The following LSAMP variants were observed in gnomAD, a reference collection of about 807,000 sequenced individuals.
The protein encoded by LSAMP is limbic system-associated membrane protein.
LSAMP carries 7 observed loss-of-function variants against 38.6 expected under a neutral mutation model. The observed-to-expected ratio is 0.18, with a 90% CI of 0.10 to 0.34. LSAMP has a LOEUF of 0.34. Among genes scored for constraint, LSAMP ranks in the 10% least tolerant of loss-of-function variants. The pLI is 1.00. For synonymous variants in LSAMP, 154 were observed against 166.8 expected (o/e 0.92, Z 0.59); for missense variants, 313 against 420.0 (o/e 0.75, Z 2.23).
chr3:116,081,689 C>T (rs993206499), intron 2 of LSAMP, among the ~76,000 whole-genome samples: 16 of 151,972 alleles, frequency 1.1e-4, no homozygotes, highest in Non-Finnish European at 1.9e-4. Context: ...TTTTATATAA[C>T]ATAATTATGC....
chr3:115,836,078 A>G (rs1934771505), intron 6 of LSAMP, among the ~76,000 whole-genome samples: 1 of 152,150 alleles, frequency 6.6e-6, no homozygotes, highest in Admixed American at 6.5e-5. Context: ...TTTTCTCATC[A>G]TGCTGTTCAC....
intron 1 of LSAMP, among the ~76,000 whole-genome samples, chr3:116,155,952 G>C (rs1709737453): frequency 6.6e-6 from 1 of 152,146 alleles, no homozygotes; most frequent in South Asian, 2.1e-4. Context: ...TACTCAGCAA[G>C]CAGTGAGCCA....
chr3:116,002,604 T>C (rs1940030332), intron 3 of LSAMP, among the ~76,000 whole-genome samples: 1 of 152,110 alleles, frequency 6.6e-6, no homozygotes, highest in Non-Finnish European at 1.5e-5. Flanking sequence ...ATTAAGGTTA[T>C]GAGAGAGATA....
intron 6 of LSAMP, among the ~76,000 whole-genome samples, chr3:115,839,653 A>C (rs567543287): frequency 6.6e-6 from 1 of 152,262 alleles, no homozygotes; most frequent in Admixed American, 6.5e-5. Flanking sequence ...CTTTCCCATA[A>C]AAGTGGGACA....
intron 1 of LSAMP, among the ~76,000 whole-genome samples, chr3:116,327,722 T>C (rs1407755874): frequency 6.6e-6 from 1 of 152,168 alleles, no homozygotes; most frequent in African/African-American, 2.4e-5. Context: ...CCTAATAACA[T>C]CTTATTATGT....
At chr3:116,336,237 C>A (rs1036511654) in intron 1 of LSAMP, among the ~76,000 whole-genome samples, 4 of 151,728 alleles carry the variant, frequency 2.6e-5, no homozygotes, top group Non-Finnish European at 4.4e-5. Flanking sequence ...AAGGCACAGG[C>A]AACAAAAGAA....
intron 1 of LSAMP, among the ~76,000 whole-genome samples, chr3:116,220,350 G>C (rs1287862304): frequency 1.4e-5 from 2 of 138,592 alleles, no homozygotes; most frequent in African/African-American, 5.4e-5. Flanking sequence ...ATTTGCATAT[G>C]ACACACACAC....
chr3:116,058,855 G>T (rs1941539182), intron 2 of LSAMP, among the ~76,000 whole-genome samples: 1 of 152,018 alleles, frequency 6.6e-6, no homozygotes, highest in South Asian at 2.1e-4. Flanking sequence ...ACACATACAG[G>T]TCTTCAGCTT....
intron 3 of LSAMP, among the ~76,000 whole-genome samples, chr3:115,958,730 A>C (rs1360068485): frequency 6.6e-6 from 1 of 152,182 alleles, no homozygotes; most frequent in East Asian, 1.9e-4. Context: ...AGAAGATAAC[A>C]TTCTGTGGCA....
chr3:116,131,224 C>T (rs1424405810), intron 1 of LSAMP, among the ~76,000 whole-genome samples: 2 of 151,982 alleles, frequency 1.3e-5, no homozygotes, highest in Non-Finnish European at 2.9e-5. Flanking sequence ...ATCTCCTGAC[C>T]TCATGATCCG....
intron 1 of LSAMP, among the ~76,000 whole-genome samples, chr3:116,236,414 A>T (rs2046466288): frequency 6.6e-6 from 1 of 152,162 alleles, no homozygotes; most frequent in African/African-American, 2.4e-5. Context: ...TTAAAATAAA[A>T]GAATACCAAA....
intron 2 of LSAMP, among the ~76,000 whole-genome samples, chr3:116,050,317 A>G (rs779132889): frequency 1.2e-4 from 19 of 152,012 alleles, no homozygotes; most frequent in Non-Finnish European, 2.2e-4. Flanking sequence ...CAGCTTCCTG[A>G]TGTTACTAGC....
intron 1 of LSAMP, among the ~76,000 whole-genome samples, chr3:116,128,728 C>T (rs1450058781): frequency 2.2e-5 from 2 of 91,468 alleles, no homozygotes; most frequent in Non-Finnish European, 4.3e-5. Context: ...TCATTGTTCT[C>T]ACTATTTGAT....
chr3:116,240,338 T>A (rs2046516443), intron 1 of LSAMP, among the ~76,000 whole-genome samples: 1 of 152,174 alleles, frequency 6.6e-6, no homozygotes, highest in South Asian at 2.1e-4. Flanking sequence ...TCTGCAGCTT[T>A]GTGGTTACAA....
intron 3 of LSAMP, among the ~76,000 whole-genome samples, chr3:116,006,455 T>A (rs1357166570): frequency 1.3e-5 from 2 of 152,212 alleles, no homozygotes; most frequent in East Asian, 3.8e-4. Context: ...CCACAGCTGA[T>A]GGATACAACG....
At chr3:116,088,563 G>T (rs2107426034) in intron 1 of LSAMP, among the ~76,000 whole-genome samples, 1 of 152,244 alleles carries the variant, frequency 6.6e-6, no homozygotes, top group East Asian at 1.9e-4. Context: ...TTATGAAATT[G>T]TTGAATGTAG....
intron 1 of LSAMP, among the ~76,000 whole-genome samples, chr3:116,234,234 T>C (rs1337954048): frequency 6.6e-6 from 1 of 152,176 alleles, no homozygotes; most frequent in African/African-American, 2.4e-5. Context: ...ATCCCATGGA[T>C]TGGAGAACAC....
chr3:116,290,753 A>AATAATG (rs2047255229), intron 1 of LSAMP, among the ~76,000 whole-genome samples: 1 of 147,842 alleles, frequency 6.8e-6, no homozygotes, highest in Non-Finnish European at 1.5e-5. Context: ...TAATAATAAT[A>AATAATG]ATAATAATAA....
intron 1 of LSAMP, among the ~76,000 whole-genome samples, chr3:116,182,666 T>C (rs370320130): frequency 2.0e-5 from 3 of 151,776 alleles, no homozygotes; most frequent in African/African-American, 7.2e-5. Flanking sequence ...GAAAAGGCAA[T>C]AAAGAATCAC....
Sources: gnomAD v4.1 joint callset for allele counts (sites outside exome capture counted in the v4.1 genomes callset) on GRCh38, gnomAD v4.1.1 for gene constraint, MANE v1.5 for transcripts, NCBI Gene and HGNC (gene_info 2026-07-23, HGNC 2026-07-21) for gene names.